The following NCOR1 variants were observed in gnomAD, a reference collection of about 807,000 sequenced individuals.
The protein encoded by NCOR1 is protein phosphatase 1, regulatory subunit 109.
Under a neutral mutation model 288.1 loss-of-function variants are expected in NCOR1, and 63 were observed. That is an observed-to-expected ratio of 0.22 (90% CI 0.18 to 0.27). The LOEUF is 0.27. Ranked by LOEUF, NCOR1 falls within the 10% of genes least tolerant of loss-of-function variation. The probability of loss-of-function intolerance (pLI) is 1.00; values close to 1 mark genes in which losing one functional copy is unlikely to be tolerated. For missense variants in NCOR1, 2,397 were observed against 3,019.2 expected (o/e 0.79, Z 4.83); for synonymous variants, 1,007 against 1,065.9 (o/e 0.94, Z 1.08).
intron 19 of NCOR1, among the ~76,000 whole-genome samples, chr17:16,103,633 A>G (rs966284948): frequency 3.9e-5 from 6 of 152,218 alleles, no homozygotes; most frequent in African/African-American, 1.4e-4. Flanking sequence ...CTTCTACCAC[A>G]GAGACTTTGT....
At chr17:16,129,697 G>C (rs2075306434) in intron 14 of NCOR1, among the ~76,000 whole-genome samples, 1 of 152,186 alleles carries the variant, frequency 6.6e-6, no homozygotes, top group Non-Finnish European at 1.5e-5. Flanking sequence ...AGATGGCATA[G>C]TAAGGACAAA....
chr17:16,214,334 T>A (rs1299250273), intron 1 of NCOR1, among the ~76,000 whole-genome samples: 1 of 152,190 alleles, frequency 6.6e-6, no homozygotes, highest in African/African-American at 2.4e-5. Context: ...TCAAGATATA[T>A]TGAACGAATG....
chr17:16,140,740 G>A (rs1034592168), intron 11 of NCOR1, among the ~76,000 whole-genome samples: 1 of 152,186 alleles, frequency 6.6e-6, no homozygotes, highest in South Asian at 2.1e-4. Flanking sequence ...CTTGAACCTG[G>A]GACGCGGAGG....
intron 21 of NCOR1, among the ~76,000 whole-genome samples, chr17:16,094,713 C>T (rs1360408289): frequency 6.6e-6 from 1 of 152,198 alleles, no homozygotes; most frequent in East Asian, 1.9e-4. Flanking sequence ...TGCAGGCGCG[C>T]GCCGCCACGC....
In NCOR1 at chr17:16,032,371, C is replaced by T; in HGVS notation, c.7248G>A (p.Gln2416=). 1 of 1,614,132 alleles carries T rather than the reference C, an allele frequency of 6.2e-7. No homozygotes were observed. Among genetic ancestry groups the T allele is most frequent in the Non-Finnish European group, 8.5e-7 (1 of 1,180,006 alleles). The change falls in exon 46 of 46, where the codon CAG becomes CAA. Residue 2416 remains glutamine, a synonymous_variant. Transcript: ENST00000268712. ...CAGGCTCTCGCTCCCAGATCCTGTT[C>T]TGTTGGTGAGGAGCTGCTTGGTTCA... ...SAVNQAAPHQ[Q]NRIWEREPAP...
intron 9 of NCOR1, 60 bp downstream of exon 9, chr17:16,149,391 C>A: frequency 2.1e-6 from 2 of 956,906 alleles, no homozygotes; most frequent in Non-Finnish European, 3.1e-6. Flanking sequence ...AAAGTGAATG[C>A]CTAAATGAGC....
intron 1 of NCOR1, among the ~76,000 whole-genome samples, chr17:16,210,847 A>T (rs1376840241): frequency 2.0e-5 from 3 of 151,482 alleles, no homozygotes; most frequent in Non-Finnish European, 4.4e-5. Context: ...CTCCTGCCTC[A>T]GCCTCCCGAG....
intron 43 of NCOR1, chr17:16,039,886 A>C: frequency 2.2e-6 from 1 of 460,856 alleles, no homozygotes; most frequent in Non-Finnish European, 4.0e-6. Flanking sequence ...CGCCTCCCAG[A>C]TTCAAGGGAT....
chr17:16,080,216 C>A, intron 25 of NCOR1, 152 bp from the exon 26 acceptor site: 1 of 787,186 alleles, frequency 1.3e-6, no homozygotes, highest in Non-Finnish European at 2.0e-6. Context: ...AATGTACTTC[C>A]AAAATAATAC....
chr17:16,087,444 A>G (rs923111790), intron 22 of NCOR1: 3 of 699,510 alleles, frequency 4.3e-6, no homozygotes, highest in African/African-American at 3.8e-5. Flanking sequence ...TGATCCGACT[A>G]TAACATTAAA....
At chr17:16,181,211 ATGTGTGTGTGTG>A (rs61215793) in intron 3 of NCOR1, among the ~76,000 whole-genome samples, 2,190 of 139,580 alleles carry the variant, frequency 0.016, 33 homozygotes, top group Admixed American at 0.031. Flanking sequence ...ATATATATGT[ATGTGTGTGTGTG>A]TGTGTGTGTG....
chr17:16,134,512 G>A (rs2076105469), intron 14 of NCOR1, among the ~76,000 whole-genome samples: 1 of 152,130 alleles, frequency 6.6e-6, no homozygotes, highest in Non-Finnish European at 1.5e-5. Flanking sequence ...TCTGAGACAG[G>A]TACTTTGAAA....
In NCOR1 at chr17:16,064,897, G is replaced by T. The variant is rs1436156803; in HGVS notation, c.5074C>A (p.Pro1692Thr). ...GGAGACATGGAAGCAGAGTTGTACGGCCTGGGAGGGAAAGTAATCTGTGTA... is the reference window on the plus strand; with the variant it reads ...GGAGACATGGAAGCAGAGTTGTACGTCCTGGGAGGGAAAGTAATCTGTGTA... ...PGTQITFPPR[P>T]YNSASMSPGH... Residue 1692 changes from proline (P) to threonine (T), a missense_variant, in exon 34 of 46, where the codon CCG becomes ACG. Pro to Thr is a conservative substitution (Grantham distance 38, BLOSUM62 -1). Around this residue, in one of 11 missense-constraint regions of NCOR1, gnomAD observed 1,872 missense variants for 2,187.8 expected, o/e 0.86. Transcript: ENST00000268712. 3.7e-6 allele frequency: 6 copies of T among 1,613,250 alleles called. No homozygotes were observed. Among genetic ancestry groups the T allele is most frequent in the Non-Finnish European group, 4.2e-6 (5 of 1,179,430 alleles).
intron 37 of NCOR1, among the ~76,000 whole-genome samples, chr17:16,058,879 T>C (rs1839858215): frequency 6.6e-6 from 1 of 151,556 alleles, no homozygotes. Flanking sequence ...AAACCCTGTC[T>C]CTACTAAAAA....
At position 16,140,964 on chromosome 17, in the gene NCOR1, C is replaced by T. The variant is rs553288754; in HGVS notation, c.1174-1778G>A. On this transcript the variant is annotated intron_variant, in intron 11 of 45. Coordinates refer to ENST00000268712, the MANE Select transcript of NCOR1 (RefSeq NM_006311.4). ...CAAGGTCACACCATTGCACTCCAGC[C>T]TGGGTGACAGAGTAAGACCCTATCT... Among the ~76,000 whole-genome samples, 3 of 148,856 alleles carry T rather than the reference C, an allele frequency of 2.0e-5. No individual in the cohort carries two copies. In the South Asian group the frequency reaches 6.5e-4, roughly 32 times the overall value.
chr17:16,137,149 A>G (rs2076557717), intron 14 of NCOR1, among the ~76,000 whole-genome samples, 162 bp downstream of exon 14: 1 of 152,196 alleles, frequency 6.6e-6, no homozygotes, highest in Admixed American at 6.5e-5. Context: ...AATACATTAA[A>G]TATATAAATA....
chr17:16,129,120 C>T (rs972486283), intron 14 of NCOR1, among the ~76,000 whole-genome samples: 6 of 152,156 alleles, frequency 3.9e-5, no homozygotes, highest in African/African-American at 1.2e-4. Flanking sequence ...CTAACACTCG[C>T]CACTCAATCA....
intron 1 of NCOR1, among the ~76,000 whole-genome samples, chr17:16,214,052 C>A (rs528969128): frequency 1.3e-5 from 2 of 152,154 alleles, no homozygotes; most frequent in South Asian, 2.1e-4. Context: ...AAACTTCCAC[C>A]GGATGTTAAC....
chr17:16,071,834 C>T (rs2061794269), intron 29 of NCOR1, among the ~76,000 whole-genome samples, 169 bp from the exon 30 acceptor site: 1 of 152,074 alleles, frequency 6.6e-6, no homozygotes, highest in Admixed American at 6.6e-5. Flanking sequence ...TTTCTGTTTA[C>T]AGTAGATCCT....
Sources: gnomAD v4.1 joint callset for allele counts (sites outside exome capture counted in the v4.1 genomes callset) on GRCh38, gnomAD v4.1.1 for gene constraint, gnomAD v4.1.1 regional missense constraint, MANE v1.5 for transcripts, NCBI Gene and HGNC (gene_info 2026-07-23, HGNC 2026-07-21) for gene names.